UTRN: variants seen among roughly 807,000 people sequenced by gnomAD.
The protein encoded by UTRN is utrophin, also known as dystrophin-related protein 1.
UTRN carries 283 observed loss-of-function variants against 463.9 expected under a neutral mutation model. The observed-to-expected ratio is 0.61, with a 90% CI of 0.55 to 0.67. UTRN has a LOEUF of 0.67. Ranked by LOEUF, UTRN falls within the 30% of genes least tolerant of loss-of-function variation. The probability of loss-of-function intolerance (pLI) is 0.00; values close to 1 mark genes in which losing one functional copy is unlikely to be tolerated. For missense variants in UTRN, 3,922 were observed against 4,084.3 expected (o/e 0.96, Z 1.08); for synonymous variants, 1,442 against 1,431.5 (o/e 1.01, Z -0.17).
At chr6:144,413,652 A>G (rs1464686194) in intron 3 of UTRN, among the ~76,000 whole-genome samples, 1 of 152,156 alleles carries the variant, frequency 6.6e-6, no homozygotes, top group Non-Finnish European at 1.5e-5. Context: ...GTCATCAGGT[A>G]TTTGTGGTGA....
chr6:144,641,960 T>C (rs1562696157), intron 51 of UTRN, among the ~76,000 whole-genome samples: 1 of 152,194 alleles, frequency 6.6e-6, no homozygotes, highest in Non-Finnish European at 1.5e-5. Context: ...ATAATTAAAA[T>C]CTAGTAAGGT....
chr6:144,626,864 T>C (rs1344197640), intron 51 of UTRN, among the ~76,000 whole-genome samples: 4 of 152,206 alleles, frequency 2.6e-5, no homozygotes, highest in African/African-American at 7.2e-5. Flanking sequence ...GGTCTCGATC[T>C]CTTGACCTTG....
Position 144,761,178 on chromosome 6 carries a change from T to G in UTRN, c.8495+3189T>G, listed in dbSNP as rs2128727701. 2.0e-5 allele frequency among the ~76,000 whole-genome samples: 3 copies of G among 152,334 alleles called. No individual in the cohort carries two copies. The South Asian group carries it at 6.2e-4, about 32-fold the overall frequency. ...ATATAGTATAAATCCCTCTATTTGT[T>G]AATATCTTAAGTTAAAACTAGTCTA... On this transcript the variant is annotated intron_variant, in intron 58 of 74. Transcript: ENST00000367545.
Position 144,338,128 on chromosome 6 carries a change from G to A in UTRN, c.79+46221G>A, listed in dbSNP as rs904964262. 3.7e-4 allele frequency among the ~76,000 whole-genome samples: 57 copies of A among 152,052 alleles called. 1 individual carries two copies. On this transcript the variant is annotated intron_variant, in intron 2 of 74. Coordinates refer to ENST00000367545, the MANE Select transcript of UTRN (RefSeq NM_007124.3). ...GTACCATCCTTGACATTACTTTTTT[G>A]GGTTTGCTTGTTTTTAAAACAGTTT...
At chr6:144,587,423 C>G (rs1481740543) in intron 51 of UTRN, among the ~76,000 whole-genome samples, 1 of 152,156 alleles carries the variant, frequency 6.6e-6, no homozygotes, top group Non-Finnish European at 1.5e-5. Context: ...CAACACAGAA[C>G]TATGTAGTTG....
chr6:144,553,019 GGCCTGAACA>G (rs1203641394), intron 48 of UTRN, among the ~76,000 whole-genome samples: 1 of 152,100 alleles, frequency 6.6e-6, no homozygotes, highest in Non-Finnish European at 1.5e-5. Flanking sequence ...TATAACTTAA[GGCCTGAACA>G]GCCTTGTTGA....
At chr6:144,342,109 A>G (rs1177710283) in intron 2 of UTRN, among the ~76,000 whole-genome samples, 1 of 152,250 alleles carries the variant, frequency 6.6e-6, no homozygotes, top group Non-Finnish European at 1.5e-5. Flanking sequence ...ATAGCCATTA[A>G]GGAAATGCAA....
At chr6:144,437,412 A>G (rs1786671140) in intron 10 of UTRN, among the ~76,000 whole-genome samples, 153 bp from the exon 11 acceptor site, 1 of 152,154 alleles carries the variant, frequency 6.6e-6, no homozygotes, top group African/African-American at 2.4e-5. Context: ...TCAGAGATTA[A>G]AAAATGTGGT....
At chr6:144,451,135 T>C (rs964688207) in intron 17 of UTRN, among the ~76,000 whole-genome samples, 10 of 150,082 alleles carry the variant, frequency 6.7e-5, no homozygotes, top group African/African-American at 2.3e-4. Context: ...CAACAACAAA[T>C]TATTTAATTA....
chr6:144,783,451 CATGTAATAACTGTACATATTTATG>C (rs1028114765), intron 61 of UTRN, among the ~76,000 whole-genome samples: 3 of 152,152 alleles, frequency 2.0e-5, no homozygotes, highest in African/African-American at 7.2e-5. Context: ...TTTTAGTTTA[CATGTAATAACTGTACATATTTATG>C]AGGTACACAG....
At chr6:144,438,061 TTTGAGACCAGCCTGGGCGAC>T (rs763676748) in intron 11 of UTRN, among the ~76,000 whole-genome samples, 7 of 151,672 alleles carry the variant, frequency 4.6e-5, no homozygotes, top group Non-Finnish European at 8.8e-5. Context: ...AGGCCAGGAG[TTTGAGACCAGCCTGGGCGAC>T]ATGGCGAAAC....
At chr6:144,501,333 T>A (rs1217880765) in intron 34 of UTRN, among the ~76,000 whole-genome samples, 1 of 152,198 alleles carries the variant, frequency 6.6e-6, no homozygotes, top group Admixed American at 6.5e-5. Context: ...ACTTTGAAAA[T>A]CATTACTTTT....
intron 2 of UTRN, among the ~76,000 whole-genome samples, chr6:144,303,211 T>G (rs1017299754): frequency 6.6e-6 from 1 of 152,150 alleles, no homozygotes; most frequent in Non-Finnish European, 1.5e-5. Context: ...GGAAAGGATG[T>G]GAAAAGTGGT....
intron 41 of UTRN, among the ~76,000 whole-genome samples, chr6:144,523,516 G>T (rs560783359): frequency 6.6e-6 from 1 of 152,212 alleles, no homozygotes; most frequent in African/African-American, 2.4e-5. Flanking sequence ...CACCATGTTG[G>T]CCAGGCTGGT....
At chr6:144,355,274 C>T (rs1010151379) in intron 2 of UTRN, among the ~76,000 whole-genome samples, 1 of 152,102 alleles carries the variant, frequency 6.6e-6, no homozygotes, top group African/African-American at 2.4e-5. Flanking sequence ...GTGGTCCAAT[C>T]TCGGCTCACT....
At chr6:144,461,375 G>A (rs374892273) in intron 22 of UTRN, 33 bp downstream of exon 22, 13 of 1,447,846 alleles carry the variant, frequency 9.0e-6, no homozygotes, top group South Asian at 6.5e-5. Context: ...GAACTCTAGC[G>A]CTTCTTCTAA....
At chr6:144,427,995 C>T (rs1785443830) in intron 7 of UTRN, among the ~76,000 whole-genome samples, 1 of 151,888 alleles carries the variant, frequency 6.6e-6, no homozygotes, top group Non-Finnish European at 1.5e-5. Flanking sequence ...GCAGTGGCTG[C>T]AGTGACCTGA....
At position 144,693,071 on chromosome 6, in the gene UTRN, A is replaced by T. The variant is rs1783601729; in HGVS notation, c.7653-7016A>T. ...ATCCATTTTGAGTTTATTTTTCTAT[A>T]TGATATAAGGAAGAGGTCCAGTTTC... On this transcript the variant is annotated intron_variant, in intron 52 of 74. Coordinates refer to ENST00000367545, the MANE Select transcript of UTRN (RefSeq NM_007124.3). Among the ~76,000 whole-genome samples the T allele has an allele frequency of 2.6e-5, 4 of 151,544 alleles. No individual in the cohort carries two copies. In the South Asian group the frequency reaches 8.3e-4, roughly 31 times the overall value.
intron 64 of UTRN, among the ~76,000 whole-genome samples, chr6:144,802,633 C>T (rs1777795164): frequency 1.3e-5 from 2 of 152,098 alleles, no homozygotes; most frequent in Admixed American, 1.3e-4. Context: ...TTAGTTTTTC[C>T]TTTGTTACAC....
Sources: allele counts gnomAD v4.1 joint callset (sites outside exome capture counted in the v4.1 genomes callset), GRCh38; gene constraint gnomAD v4.1.1; transcripts MANE v1.5; gene names NCBI Gene and HGNC (gene_info 2026-07-23, HGNC 2026-07-21).